Variants in EEA1 observed in about 807,000 individuals in gnomAD.
EEA1 encodes the protein early endosome antigen 1, 162kD.
EEA1 carries 111 observed loss-of-function variants against 209.2 expected under a neutral mutation model. That is an observed-to-expected ratio of 0.53 (90% CI 0.45 to 0.62). The LOEUF is 0.62. EEA1 is among the 20% of genes least tolerant of loss of function. The probability of loss-of-function intolerance (pLI) is 0.00; values close to 1 mark genes in which losing one functional copy is unlikely to be tolerated. For missense variants in EEA1, 1,343 were observed against 1,530.8 expected (o/e 0.88, Z 2.05); for synonymous variants, 536 against 540.6 (o/e 0.99, Z 0.12).
chr12:92,811,337 T>A lies in EEA1; in HGVS notation c.2141A>T (p.Tyr714Phe). The part of the protein sequence containing the change: ...CSQLESHLKE[Y>F]KEKYLSLEQK... ...TTCTAAAGAGAGGTATTTCTCTTTA[T>A]ATTCTTTAAGATGACTTTCCAGCTG... is the stretch of plus-strand genomic sequence containing the variant. The change falls in exon 17 of 29, where the codon TAT becomes TTT. Residue 714 changes from tyrosine to phenylalanine, a missense_variant. Tyr to Phe is a conservative substitution (Grantham distance 22). This residue lies in a region of EEA1 where 1,307 missense variants were observed against 1,465.5 expected (regional missense o/e 0.89). Transcript: ENST00000322349. The A allele has an allele frequency of 1.2e-6, 2 of 1,606,604 alleles. No individual in the cohort carries two copies. The highest frequency in any genetic ancestry group is 1.7e-6 in the Non-Finnish European group (2 of 1,176,678).
intron 28 of EEA1, 93 bp downstream of exon 28, chr12:92,776,751 C>T: frequency 8.7e-7 from 1 of 1,155,690 alleles, no homozygotes; most frequent in South Asian, 1.3e-5. Flanking sequence ...GAAAATTATT[C>T]TGTCAAATGA....
intron 24 of EEA1, 104 bp downstream of exon 24, chr12:92,780,176 C>A (rs1441119891): frequency 7.9e-7 from 1 of 1,269,038 alleles, no homozygotes; most frequent in African/African-American, 1.6e-5. Context: ...ATTTGCCTAG[C>A]ACATAGCAAG....
intron 20 of EEA1, among the ~76,000 whole-genome samples, chr12:92,800,450 A>T (rs1874856620): frequency 6.6e-6 from 1 of 152,228 alleles, no homozygotes; most frequent in African/African-American, 2.4e-5. Context: ...CTAAGAACCT[A>T]GCATTACATT....
At position 92,776,949 on chromosome 12, in the gene EEA1, T is replaced by C. The variant is rs1182317886; in HGVS notation, c.4015-7A>G. ...ACGCTTGTGTATGTTTGATCTGTTT[T>C]TTAAAGAAGTATCGATATATTATAG... is the stretch of plus-strand genomic sequence containing the variant. On this transcript the variant is annotated splice_region_variant and splice_polypyrimidine_tract_variant and intron_variant, in intron 27 of 28. Transcript: ENST00000322349. 2 of 1,609,910 alleles carry C rather than the reference T, an allele frequency of 1.2e-6. No homozygotes were observed. The highest frequency in any genetic ancestry group is 1.7e-6 in the Non-Finnish European group (2 of 1,177,110).
chr12:92,800,266 G>T (rs1874847881), intron 20 of EEA1, among the ~76,000 whole-genome samples: 1 of 152,046 alleles, frequency 6.6e-6, no homozygotes, highest in Non-Finnish European at 1.5e-5. Flanking sequence ...CTCATTTAGA[G>T]ATCTGGGGCA....
chr12:92,803,989 T>C (rs1010027538), intron 18 of EEA1, among the ~76,000 whole-genome samples: 1 of 152,178 alleles, frequency 6.6e-6, no homozygotes, highest in Non-Finnish European at 1.5e-5. Context: ...CTTCTTGTTT[T>C]TTTTTAAGTA....
chr12:92,856,767 CTTTTTTTTTTTTTT>C (rs57579359), intron 5 of EEA1, among the ~76,000 whole-genome samples: 1 of 86,674 alleles, frequency 1.2e-5, no homozygotes, highest in African/African-American at 4.5e-5. Flanking sequence ...ATACCTGATT[CTTTTTTTTTTTTTT>C]TTTTTTTTGA....
At chr12:92,827,202 T>A (rs7969888) in intron 12 of EEA1, among the ~76,000 whole-genome samples, 2 of 152,030 alleles carry the variant, frequency 1.3e-5, no homozygotes, top group African/African-American at 4.8e-5. Flanking sequence ...CCAAAAAATA[T>A]AAATATTAGC....
chr12:92,850,689 CAAAAAAAAAAAAAAA>C (rs11323932), intron 9 of EEA1, among the ~76,000 whole-genome samples: 2 of 46,910 alleles, frequency 4.3e-5, no homozygotes, highest in Admixed American at 3.4e-4. Flanking sequence ...GACTTTGTCT[CAAAAAAAAAAAAAAA>C]AAAAAAAAAA....
intron 1 of EEA1, among the ~76,000 whole-genome samples, chr12:92,924,590 G>C (rs1450433423): frequency 2.0e-5 from 3 of 151,968 alleles, no homozygotes; most frequent in Non-Finnish European, 4.4e-5. Flanking sequence ...CTGAGACACA[G>C]AGAAGTAACT....
intron 9 of EEA1, among the ~76,000 whole-genome samples, chr12:92,845,270 G>A (rs1877343130): frequency 6.6e-6 from 1 of 152,102 alleles, no homozygotes; most frequent in Non-Finnish European, 1.5e-5. Flanking sequence ...TAGTTATGAA[G>A]AAGAGGAGTG....
chr12:92,788,860 G>A (rs1190918908), intron 21 of EEA1, among the ~76,000 whole-genome samples: 1 of 151,944 alleles, frequency 6.6e-6, no homozygotes, highest in African/African-American at 2.4e-5. Flanking sequence ...TATATTTTAG[G>A]TTCTCTTCCT....
intron 1 of EEA1, among the ~76,000 whole-genome samples, chr12:92,901,614 C>T (rs1475393117): frequency 1.3e-5 from 2 of 150,998 alleles, no homozygotes; most frequent in Non-Finnish European, 2.9e-5. Flanking sequence ...GTTGCCCAAG[C>T]GGGAGTGCAA....
chr12:92,844,333 CT>C (rs1209053798), intron 9 of EEA1, among the ~76,000 whole-genome samples: 2 of 151,974 alleles, frequency 1.3e-5, no homozygotes. Flanking sequence ...ATGGCCTGAC[CT>C]TTTTGGGAAA....
chr12:92,812,934 T>C lies in EEA1; in HGVS notation c.2043+46A>G, dbSNP rs925566393. 3.8e-6 allele frequency: 5 copies of C among 1,321,044 alleles called. No individual in the cohort carries two copies. The African/African-American group carries it at 4.4e-5, about 12-fold the overall frequency. 81.8% of individuals were successfully genotyped at this position (1,321,044 alleles called of 1,614,324 possible). A position where few individuals can be genotyped will look rare whatever the true frequency, so the allele number is the denominator to read the frequency against. ...TTTACATGTTTGCAATTTATTTATC[T>C]ACCAAAGCACTAGGTGATAGTATGA... On this transcript the variant is annotated intron_variant, in intron 16 of 28. Coordinates refer to ENST00000322349, the MANE Select transcript of EEA1 (RefSeq NM_003566.4).
chr12:92,865,021 G>T, intron 2 of EEA1, 34 bp from the exon 3 acceptor site: 1 of 1,523,344 alleles, frequency 6.6e-7, no homozygotes, highest in Non-Finnish European at 8.9e-7. Flanking sequence ...TTTCAAAATA[G>T]TATTTAATAT....
chr12:92,787,804 G>A (rs1041440706), intron 22 of EEA1, 63 bp downstream of exon 22: 27 of 1,272,388 alleles, frequency 2.1e-5, no homozygotes, highest in Admixed American at 3.0e-5. Flanking sequence ...GATTCAAATA[G>A]ATCATTTAAT....
At chr12:92,888,595 C>CAAAA (rs905395194) in intron 2 of EEA1, among the ~76,000 whole-genome samples, 2 of 125,276 alleles carry the variant, frequency 1.6e-5, no homozygotes, top group Non-Finnish European at 3.5e-5. Context: ...AACAAACAAA[C>CAAAA]AAAAAAAAAA....
At chr12:92,858,842 G>T (rs1878003971) in intron 3 of EEA1, 1 of 748,290 alleles carries the variant, frequency 1.3e-6, no homozygotes, top group African/African-American at 1.7e-5. Context: ...CTTGTTATTG[G>T]TGTGCCTCGG....
Sources: allele counts gnomAD v4.1 joint callset (sites outside exome capture counted in the v4.1 genomes callset), GRCh38; gene constraint gnomAD v4.1.1; regional missense constraint gnomAD v4.1.1; transcripts MANE v1.5; gene names NCBI Gene and HGNC (gene_info 2026-07-23, HGNC 2026-07-21).